Variants in TAFA2 observed in about 807,000 individuals in gnomAD.
The protein encoded by TAFA2 is TAFA chemokine like family member 2.
Under a neutral mutation model 18.8 loss-of-function variants are expected in TAFA2, and 7 were observed. That is an observed-to-expected ratio of 0.37 (90% confidence interval 0.21 to 0.70). The LOEUF is 0.70. TAFA2 is among the 30% of genes least tolerant of loss of function. TAFA2 has a pLI of 0.53. For synonymous variants in TAFA2, 60 were observed against 54.2 expected, an observed-to-expected ratio of 1.11 and a Z score of -0.47; for missense variants, 122 against 158.1, an observed-to-expected ratio of 0.77 and a Z score of 1.23.
At chr12:62,002,285 T>C (rs1565711701) in intron 1 of TAFA2, among the ~76,000 whole-genome samples, 1 of 152,216 alleles carries the variant, frequency 6.6e-6, no homozygotes, top group African/African-American at 2.4e-5. Context: ...ATTTGAATCA[T>C]AAAAGACCTT....
At chr12:61,819,678 C>G (rs969576419) in intron 2 of TAFA2, among the ~76,000 whole-genome samples, 2 of 152,154 alleles carry the variant, frequency 1.3e-5, no homozygotes, top group African/African-American at 4.8e-5. Flanking sequence ...CAAAATTCCA[C>G]TGCATCCAGA....
rs895020105 is a variant in TAFA2 at position 61,710,366 on chromosome 12, C to T, written c.*40G>A. 5.6e-6 allele frequency: 9 copies of T among 1,600,394 alleles called. No homozygotes were observed. The highest frequency in any genetic ancestry group is 1.7e-5 in the Admixed American group (1 of 59,874). ...TGAGTTAAGTTTCTATGCGCATGTT[C>T]AATGTCATCAGCCTTGAGGATCACT... On this transcript the variant is annotated 3_prime_UTR_variant, in exon 5 of 5. Coordinates refer to ENST00000416284, the MANE Select transcript of TAFA2 (RefSeq NM_178539.5).
intron 2 of TAFA2, among the ~76,000 whole-genome samples, chr12:61,840,485 ATCT>A (rs142100917): frequency 0.022 from 3,421 of 152,052 alleles, 109 homozygotes; most frequent in African/African-American, 0.076. Flanking sequence ...TTCTTGACAA[ATCT>A]TCTTTTAATT....
At chr12:62,028,187 T>A (rs1002153778) in intron 1 of TAFA2, among the ~76,000 whole-genome samples, 2 of 152,188 alleles carry the variant, frequency 1.3e-5, no homozygotes, top group African/African-American at 2.4e-5. Flanking sequence ...TCTCAAGGAA[T>A]GTATCCAAAG....
At chr12:62,083,633 A>G (rs1367461175) in intron 1 of TAFA2, among the ~76,000 whole-genome samples, 1 of 152,214 alleles carries the variant, frequency 6.6e-6, no homozygotes, top group East Asian at 1.9e-4. Context: ...TCATTTACAA[A>G]TAAAATTTTA....
chr12:62,073,693 A>G (rs909175640), intron 1 of TAFA2, among the ~76,000 whole-genome samples: 2 of 152,178 alleles, frequency 1.3e-5, no homozygotes, highest in African/African-American at 4.8e-5. Flanking sequence ...TTCAAAATTC[A>G]TGTTAGTATC....
intron 1 of TAFA2, among the ~76,000 whole-genome samples, chr12:62,108,288 T>G (rs1869555233): frequency 1.3e-5 from 2 of 152,196 alleles, no homozygotes; most frequent in Non-Finnish European, 2.9e-5. Context: ...GTTTCCAGCT[T>G]CATCCATGTC....
chr12:62,066,079 C>T (rs796476125), intron 1 of TAFA2, among the ~76,000 whole-genome samples: 9 of 150,052 alleles, frequency 6.0e-5, no homozygotes, highest in African/African-American at 9.8e-5. Flanking sequence ...AACAGAATTC[C>T]CCATTCAAAT....
chr12:62,227,110 C>A (rs927072564), intron 1 of TAFA2, among the ~76,000 whole-genome samples: 1 of 152,200 alleles, frequency 6.6e-6, no homozygotes. Context: ...CTTTCCTTAT[C>A]CTCACTTTAT....
At chr12:62,057,796 C>A (rs1202448035) in intron 1 of TAFA2, among the ~76,000 whole-genome samples, 1 of 151,630 alleles carries the variant, frequency 6.6e-6, no homozygotes, top group Non-Finnish European at 1.5e-5. Flanking sequence ...TAAGTTCTAT[C>A]ATTTTAACCA....
At chr12:61,739,880 T>TC in intron 4 of TAFA2, among the ~76,000 whole-genome samples, 1 of 152,206 alleles carries the variant, frequency 6.6e-6, no homozygotes, top group Middle Eastern at 3.4e-3. Flanking sequence ...GGCCAATGTG[T>TC]CTGAGAATAT....
In TAFA2 at chr12:61,887,681, A is replaced by G. The variant is rs1010959280; in HGVS notation, c.-1-20255T>C. 4.1e-5 allele frequency among the ~76,000 whole-genome samples: 6 copies of G among 147,390 alleles called. No homozygotes were observed. In the South Asian group the frequency reaches 8.7e-4, roughly 21 times the overall value. On this transcript the variant is annotated intron_variant, in intron 1 of 4. Coordinates refer to ENST00000416284, the MANE Select transcript of TAFA2 (RefSeq NM_178539.5). ...TTCCCACCTAAGAGTGAGAATATGC[A>G]GTGTTTGGTTTTTTGTTCTTGCGAT...
At chr12:62,084,468 G>A (rs113120067) in intron 1 of TAFA2, among the ~76,000 whole-genome samples, 18 of 152,214 alleles carry the variant, frequency 1.2e-4, no homozygotes, top group East Asian at 3.9e-4. Flanking sequence ...ATTTACTAAC[G>A]CAGAGTCAAA....
At chr12:61,823,313 C>T (rs1380845516) in intron 2 of TAFA2, among the ~76,000 whole-genome samples, 1 of 152,056 alleles carries the variant, frequency 6.6e-6, no homozygotes, top group Admixed American at 6.6e-5. Context: ...GCTGGAATTA[C>T]AGCCACGAGC....
At chr12:61,928,251 A>C (rs777422744) in intron 1 of TAFA2, among the ~76,000 whole-genome samples, 8 of 152,222 alleles carry the variant, frequency 5.3e-5, no homozygotes, top group Admixed American at 2.0e-4. Flanking sequence ...AAATTTTTGC[A>C]ATCTATCCAT....
chr12:61,879,149 G>T (rs569485188), intron 1 of TAFA2, among the ~76,000 whole-genome samples: 2 of 152,242 alleles, frequency 1.3e-5, no homozygotes, highest in East Asian at 1.9e-4. Flanking sequence ...CTCCAGCCTG[G>T]GCAACAGAGC....
chr12:61,782,061 A>G (rs992437925), intron 2 of TAFA2, among the ~76,000 whole-genome samples: 4 of 151,616 alleles, frequency 2.6e-5, no homozygotes, highest in Non-Finnish European at 5.9e-5. Context: ...ATACATGCCT[A>G]CTAAAGATGT....
intron 1 of TAFA2, among the ~76,000 whole-genome samples, chr12:62,218,675 TATGA>T (rs2062747507): frequency 6.6e-6 from 1 of 152,220 alleles, no homozygotes; most frequent in Non-Finnish European, 1.5e-5. Context: ...GCTTTAAATC[TATGA>T]ATGAAATAGA....
At chr12:61,887,907 ATCTT>A (rs1295961274) in intron 1 of TAFA2, among the ~76,000 whole-genome samples, 3 of 152,234 alleles carry the variant, frequency 2.0e-5, no homozygotes, top group Admixed American at 2.0e-4. Context: ...GTGTGCATGT[ATCTT>A]TATAGAAGGA....
Sources: gnomAD v4.1 joint callset for allele counts (sites outside exome capture counted in the v4.1 genomes callset) on GRCh38, gnomAD v4.1.1 for gene constraint, MANE v1.5 for transcripts, NCBI Gene and HGNC (gene_info 2026-07-23, HGNC 2026-07-21) for gene names.